ARAP1: variants seen among roughly 807,000 people sequenced by gnomAD.
The protein encoded by ARAP1 is arf-GAP with Rho-GAP domain, ANK repeat and PH domain-containing protein 1.
In ARAP1, 76 loss-of-function variants were observed where a neutral mutation model predicts 172.2. That is an observed-to-expected ratio of 0.44 (90% CI 0.37 to 0.53). ARAP1 has a LOEUF of 0.53. ARAP1 is among the 20% of genes least tolerant of loss of function. The probability of loss-of-function intolerance (pLI) is 0.00; values close to 1 mark genes in which losing one functional copy is unlikely to be tolerated. For synonymous variants in ARAP1, 804 were observed against 803.3 expected, an observed-to-expected ratio of 1.00 and a Z score of -0.01; for missense variants, 1,686 against 1,977.5, an observed-to-expected ratio of 0.85 and a Z score of 2.80.
At chr11:72,692,844 T>C (rs750069914) in intron 29 of ARAP1, 59 bp from the exon 30 acceptor site, 172 of 1,600,780 alleles carry the variant, frequency 1.1e-4, no homozygotes, top group Non-Finnish European at 1.4e-4. Context: ...CAGGACAGCA[T>C]GTGCAGTGAT....
chr11:72,735,009 C>T (rs1591241623), intron 1 of ARAP1, among the ~76,000 whole-genome samples: 1 of 151,924 alleles, frequency 6.6e-6, no homozygotes, highest in African/African-American at 2.4e-5. Flanking sequence ...TAGACAGGGT[C>T]TCGCTCTGTC....
intron 1 of ARAP1, among the ~76,000 whole-genome samples, chr11:72,744,950 G>A (rs1479703355): frequency 6.6e-6 from 1 of 152,216 alleles, no homozygotes; most frequent in East Asian, 1.9e-4. Context: ...GAAGAGAGCA[G>A]CCCCAGGCAG....
rs71469440 is a variant in ARAP1 at position 72,713,846 on chromosome 11, C to CA, written c.679+305dup. ...TGGGCGACAGAGCGAGACTCCATCT[C>CA]AAAAAAAAAAAAAAAAAAGAAAAGC... is the stretch of plus-strand genomic sequence containing the variant. On this transcript the variant is annotated intron_variant, in intron 4 of 34. Transcript: ENST00000393609. Among the ~76,000 whole-genome samples, 315 of 81,180 alleles carry CA rather than the reference C, an allele frequency of 3.9e-3. 1 individual carries two copies. Among genetic ancestry groups the CA allele is most frequent in the South Asian group, 0.032 (82 of 2,560 alleles). The allele number at this position is 81,180 out of a possible 152,430, so 53.3% of individuals were successfully genotyped here. A position where few individuals can be genotyped will look rare whatever the true frequency, so the allele number is the denominator to read the frequency against.
chr11:72,693,529 C>T lies in ARAP1; in HGVS notation c.3809-59G>A, dbSNP rs899408819. 11 of 1,576,530 alleles carry T rather than the reference C, an allele frequency of 7.0e-6. No individual in the cohort carries two copies. Among genetic ancestry groups the T allele is most frequent in the Non-Finnish European group, 9.5e-6 (11 of 1,158,328 alleles). ...ACCAACCCCTACCCGGGGCTGGGTC[C>T]CAGGATGAAGGAAGCTGCCCCATCC... is the stretch of plus-strand genomic sequence containing the variant. On this transcript the variant is annotated intron_variant, in intron 28 of 34. Coordinates refer to ENST00000393609, the MANE Select transcript of ARAP1 (RefSeq NM_001040118.3). The surrounding 1 kb of genome is among the most constrained non-coding windows in gnomAD (Gnocchi z 4.6).
In ARAP1 at chr11:72,741,556, C is replaced by T. The variant is rs1359138274; in HGVS notation, c.-127-8959G>A. Among the ~76,000 whole-genome samples, 1 of 152,148 alleles carries T rather than the reference C, an allele frequency of 6.6e-6. No homozygotes were observed. Among genetic ancestry groups the T allele is most frequent in the East Asian group, 1.9e-4 (1 of 5,196 alleles). On this transcript the variant is annotated intron_variant, in intron 1 of 34. Coordinates refer to ENST00000393609, the MANE Select transcript of ARAP1 (RefSeq NM_001040118.3). The surrounding 1 kb of genome is among the most constrained non-coding windows in gnomAD (Gnocchi z 4.5). The stretch of plus-strand genomic sequence containing the variant: ...TCCTCCCACAGAGGGCAAGGGGCAG[C>T]CTGAGGAGCCACAGGATGACTCCAG...
intron 14 of ARAP1, 150 bp from the exon 15 acceptor site, chr11:72,703,229 AAG>A: frequency 2.4e-6 from 2 of 828,780 alleles, no homozygotes; most frequent in Non-Finnish European, 3.6e-6. Flanking sequence ...GGAAGGAAGA[AAG>A]AGAGAAGGAG....
At chr11:72,735,344 C>T (rs1364005678) in intron 1 of ARAP1, among the ~76,000 whole-genome samples, 1 of 152,012 alleles carries the variant, frequency 6.6e-6, no homozygotes, top group Non-Finnish European at 1.5e-5. Context: ...GGCGCAGTGG[C>T]TCATGACTGT....
chr11:72,725,096 G>A lies in ARAP1; in HGVS notation c.509+1524C>T, dbSNP rs1429911221. 6.6e-6 allele frequency among the ~76,000 whole-genome samples: 1 copy of A among 152,166 alleles called. No homozygotes were observed. Among genetic ancestry groups the A allele is most frequent in the Admixed American group, 6.5e-5 (1 of 15,288 alleles). Reference sequence around the variant, plus strand: ...CCCAGAGAAGCAGGTCCTCATCAGAGTCACAAAGCTAGCTGGGCCCGACCC... The same window carrying A: ...CCCAGAGAAGCAGGTCCTCATCAGAATCACAAAGCTAGCTGGGCCCGACCC... On this transcript the variant is annotated intron_variant, in intron 3 of 34. Transcript: ENST00000393609. This position sits in a 1 kb window ranked among gnomAD's most constrained non-coding sequence, Gnocchi z 4.3.
intron 1 of ARAP1, among the ~76,000 whole-genome samples, chr11:72,745,355 A>ATTTTTTTTTTT (rs35656290): frequency 2.0e-4 from 22 of 110,728 alleles, no homozygotes; most frequent in South Asian, 3.2e-4. Context: ...CGTCCGGCTA[A>ATTTTTTTTTTT]TTTTTTTTTT....
chr11:72,687,300 A>C, intron 33 of ARAP1, 139 bp downstream of exon 33: 1 of 1,109,508 alleles, frequency 9.0e-7, no homozygotes, highest in Non-Finnish European at 1.3e-6. Context: ...TATTGAATAA[A>C]CTAGCAAATG....
At chr11:72,727,872 T>C (rs1413489764) in intron 2 of ARAP1, among the ~76,000 whole-genome samples, 1 of 152,212 alleles carries the variant, frequency 6.6e-6, no homozygotes, top group African/African-American at 2.4e-5. Context: ...CCCTGCACCC[T>C]GTAATCAAGA....
At chr11:72,694,038 A>T (rs1188277234) in intron 27 of ARAP1, among the ~76,000 whole-genome samples, 1 of 151,670 alleles carries the variant, frequency 6.6e-6, no homozygotes, top group African/African-American at 2.4e-5. Flanking sequence ...CATGCCCATG[A>T]TCTCCACCCC....
intron 2 of ARAP1, among the ~76,000 whole-genome samples, chr11:72,728,525 G>A (rs1463210090): frequency 6.6e-6 from 1 of 152,174 alleles, no homozygotes; most frequent in Non-Finnish European, 1.5e-5. Context: ...AGGTTGCCAT[G>A]AGCCGAGATC....
At position 72,703,050 on chromosome 11, in the gene ARAP1, G is replaced by A. The variant is rs1158953683; in HGVS notation, c.2022C>T (p.Asp674=). 1 of 1,596,112 alleles carries A rather than the reference G, an allele frequency of 6.3e-7. No individual in the cohort carries two copies. The highest frequency in any genetic ancestry group is 1.1e-5 in the South Asian group (1 of 88,728). ...CCAGGAGCGCCTGGGTCTCAGCCAGGTCTGTGGTGGTGACTGCAGCACACA... is the reference window on the plus strand; with the variant it reads ...CCAGGAGCGCCTGGGTCTCAGCCAGATCTGTGGTGGTGACTGCAGCACACA... ...KALCAAVTTT[D]LAETQALLGC... The change falls in exon 15 of 35, where the codon GAC becomes GAT. Residue 674 remains aspartate (D), a synonymous_variant. Transcript: ENST00000393609.
intron 3 of ARAP1, among the ~76,000 whole-genome samples, chr11:72,719,912 C>A (rs1466765838): frequency 6.6e-6 from 1 of 152,172 alleles, no homozygotes; most frequent in East Asian, 1.9e-4. Context: ...CTATAAAAAG[C>A]CCAAATCATA....
At chr11:72,745,187 T>TC (rs1455653488) in intron 1 of ARAP1, among the ~76,000 whole-genome samples, 16 of 135,294 alleles carry the variant, frequency 1.2e-4, no homozygotes, top group African/African-American at 4.2e-4. Flanking sequence ...TCTTTCTTTT[T>TC]TTTTTTTTTT....
At position 72,693,317 on chromosome 11, in the gene ARAP1, C is replaced by T. The variant is rs564304111; in HGVS notation, c.3954+8G>A. ...CACCCTGGGGCAGAACCCAGCGGGG[C>T]CACTTACCCGGACCTCCTTGTAGAG... On this transcript the variant is annotated splice_region_variant and intron_variant, in intron 29 of 34. Coordinates refer to ENST00000393609, the MANE Select transcript of ARAP1 (RefSeq NM_001040118.3). The surrounding 1 kb of genome is among the most constrained non-coding windows in gnomAD (Gnocchi z 4.6). 2 of 1,613,016 alleles carry T rather than the reference C, an allele frequency of 1.2e-6. No individual in the cohort carries two copies. Among genetic ancestry groups the T allele is most frequent in the African/African-American group, 1.3e-5 (1 of 75,000 alleles).
chr11:72,706,450 C>T (rs1040679274), intron 12 of ARAP1, among the ~76,000 whole-genome samples: 10 of 152,206 alleles, frequency 6.6e-5, no homozygotes, highest in East Asian at 1.9e-4. Flanking sequence ...ACCTGGGCTA[C>T]GTCAGCTCCC....
intron 12 of ARAP1, 41 bp from the exon 13 acceptor site, chr11:72,705,931 C>A (rs747211866): frequency 1.2e-5 from 20 of 1,605,360 alleles, no homozygotes; most frequent in African/African-American, 2.7e-5. Context: ...CTGGGCCCCC[C>A]CTTCACGGGA....
Sources: allele counts gnomAD v4.1 joint callset (sites outside exome capture counted in the v4.1 genomes callset), GRCh38; gene constraint gnomAD v4.1.1; non-coding constraint Gnocchi (gnomAD v3.1); transcripts MANE v1.5; gene names NCBI Gene and HGNC (gene_info 2026-07-23, HGNC 2026-07-21).